Variants in TG observed in about 807,000 individuals in gnomAD.
TG encodes thyroglobulin.
TG carries 270 observed loss-of-function variants against 324.7 expected under a neutral mutation model. The ratio of observed to expected loss-of-function variants is 0.83; its 90% CI spans 0.75 to 0.92. The LOEUF is 0.92. Ranked by LOEUF, TG falls within the 40% of genes least tolerant of loss-of-function variation. The pLI, the probability that TG is intolerant of heterozygous loss-of-function variation, is 0.00. For missense variants in TG, 3,591 were observed against 3,456.4 expected (o/e 1.04, Z -0.98); for synonymous variants, 1,401 against 1,327.0 (o/e 1.06, Z -1.21).
intron 5 of TG, among the ~76,000 whole-genome samples, chr8:132,876,883 C>A (rs565832558): frequency 6.6e-6 from 1 of 152,338 alleles, no homozygotes; most frequent in South Asian, 2.1e-4. Context: ...TCCTTAATGA[C>A]TAAACACACT....
rs181821342 is a variant in TG at position 133,037,794 on chromosome 8, G to A, written c.7239+7771G>A. The A allele has an allele frequency of 2.3e-4, 35 of 152,330 alleles. 1 individual carries two copies. The highest frequency in any genetic ancestry group is 8.2e-4 in the African/African-American group (34 of 41,574). The allele number at this position is 152,330 out of a possible 1,614,324, so 9.4% of individuals were successfully genotyped here. A position where few individuals can be genotyped will look rare whatever the true frequency, so the allele number is the denominator to read the frequency against. On this transcript the variant is annotated intron_variant, in intron 41 of 47. Coordinates refer to ENST00000220616, the MANE Select transcript of TG (RefSeq NM_003235.5). ...TGCAAAGCCATGGCTGCAGACATCAGGGAAGCTGGTGCAGTTCTAGTCTCG... is the reference window on the plus strand; with the variant it reads ...TGCAAAGCCATGGCTGCAGACATCAAGGAAGCTGGTGCAGTTCTAGTCTCG...
chr8:133,067,023 C>A (rs1843131393), intron 41 of TG, among the ~76,000 whole-genome samples: 1 of 152,126 alleles, frequency 6.6e-6, no homozygotes, highest in African/African-American at 2.4e-5. Flanking sequence ...GTGACTGTAC[C>A]CAGTACCGGC....
chr8:133,060,305 G>A (rs753315036), intron 41 of TG: 2 of 1,568,088 alleles, frequency 1.3e-6, no homozygotes, highest in Non-Finnish European at 8.7e-7. Flanking sequence ...CTGGCAGCTT[G>A]CTTCTTGAAA....
At position 132,912,949 on chromosome 8, in the gene TG, C is replaced by T. The variant is rs2132389975; in HGVS notation, c.4160-98C>T. The T allele has an allele frequency of 2.6e-6, 3 of 1,141,870 alleles. No individual in the cohort carries two copies. In the South Asian group the frequency reaches 4.0e-5, roughly 15 times the overall value. 70.7% of individuals were successfully genotyped at this position (1,141,870 alleles called of 1,614,324 possible). A position where few individuals can be genotyped will look rare whatever the true frequency, so the allele number is the denominator to read the frequency against. On this transcript the variant is annotated intron_variant, in intron 19 of 47. Transcript: ENST00000220616. ...CACCACATGATGCCTATGTCTCATT[C>T]CAGTCTGGATATTCTAGGCATCTCT... is the stretch of plus-strand genomic sequence containing the variant.
At chr8:132,924,357 G>A (rs1391625827) in intron 22 of TG, among the ~76,000 whole-genome samples, 1 of 152,192 alleles carries the variant, frequency 6.6e-6, no homozygotes. Flanking sequence ...ACTGGTACCA[G>A]TCTATGGCCC....
chr8:132,957,534 G>T (rs1020476138), intron 27 of TG, among the ~76,000 whole-genome samples: 1 of 151,854 alleles, frequency 6.6e-6, no homozygotes, highest in Non-Finnish European at 1.5e-5. Context: ...CACACACACC[G>T]ACAGAAATAA....
intron 35 of TG, chr8:133,002,031 C>T: frequency 4.1e-6 from 4 of 985,342 alleles, no homozygotes; most frequent in Non-Finnish European, 4.8e-6. Context: ...TTGATGAGTC[C>T]TAAGAAAGTC....
chr8:132,922,221 A>C (rs1176848140), intron 21 of TG, among the ~76,000 whole-genome samples: 3 of 152,210 alleles, frequency 2.0e-5, no homozygotes, highest in Non-Finnish European at 1.5e-5. Context: ...AGAGGTCTTG[A>C]AGGACAAGGG....
chr8:132,913,397 G>GT, intron 20 of TG, 132 bp downstream of exon 20: 1 of 934,148 alleles, frequency 1.1e-6, no homozygotes, highest in Non-Finnish European at 1.7e-6. Context: ...ACGAGCAAAA[G>GT]TTTTCAATCA....
At chr8:132,868,790 C>T (rs915394060) in intron 2 of TG, among the ~76,000 whole-genome samples, 1 of 152,218 alleles carries the variant, frequency 6.6e-6, no homozygotes, top group African/African-American at 2.4e-5. Flanking sequence ...CTGAGACCCT[C>T]TCTGTGGAGA....
chr8:132,887,386 C>T lies in TG; in HGVS notation c.2014C>T (p.Leu672Phe), dbSNP rs2132166142. 1 of 1,614,200 alleles carries T rather than the reference C, an allele frequency of 6.2e-7. No individual in the cohort carries two copies. The highest frequency in any genetic ancestry group is 8.5e-7 in the Non-Finnish European group (1 of 1,180,040). The change falls in exon 9 of 48, where the codon CTC becomes TTC. Residue 672 changes from leucine to phenylalanine, a missense_variant. By Grantham distance (22) the Leu-to-Phe change is conservative. Coordinates refer to ENST00000220616, the MANE Select transcript of TG (RefSeq NM_003235.5). ...AAAGCAAAGGGCTCGCATGCAAAGC[C>T]TCATGGGCAGCCAGCCTGCTGGCTC... Reference protein sequence around the residue: ...CEKQRARMQSLMGSQPAGSTL... With the variant: ...CEKQRARMQSFMGSQPAGSTL...
At chr8:132,930,651 C>T (rs1343817127) in intron 23 of TG, among the ~76,000 whole-genome samples, 3 of 150,048 alleles carry the variant, frequency 2.0e-5, no homozygotes, top group African/African-American at 7.4e-5. Context: ...CTCCATTGCA[C>T]TCCAGCCTGG....
intron 34 of TG, among the ~76,000 whole-genome samples, chr8:132,981,909 C>A (rs1048300822): frequency 1.3e-5 from 2 of 152,068 alleles, no homozygotes; most frequent in Non-Finnish European, 2.9e-5. Context: ...CATATCTGAC[C>A]AAAGTGAAGA....
Position 133,084,911 on chromosome 8 carries a change from T to C in TG, c.7240-10133T>C, listed in dbSNP as rs538061156. ...GGCACATAGAGGGTGGGTAGTGTCA[T>C]GGCTTTGGAGAAAAATGGCCTGAAT... On this transcript the variant is annotated intron_variant, in intron 41 of 47. Transcript: ENST00000220616. Among the ~76,000 whole-genome samples the C allele has an allele frequency of 1.4e-3, 216 of 152,362 alleles. 1 individual carries two copies. Among genetic ancestry groups the C allele is most frequent in the Admixed American group, 3.1e-3 (47 of 15,304 alleles).
chr8:132,913,396 A>T, intron 20 of TG, 131 bp downstream of exon 20: 1 of 945,180 alleles, frequency 1.1e-6, no homozygotes, highest in Non-Finnish European at 1.7e-6. Context: ...AACGAGCAAA[A>T]GTTTTCAATC....
chr8:132,888,506 G>A lies in TG; in HGVS notation c.2699G>A (p.Cys900Tyr). Residue 900 changes from cysteine to tyrosine, a missense_variant, in exon 10 of 48, where the codon TGT becomes TAT. Coordinates refer to ENST00000220616, the MANE Select transcript of TG (RefSeq NM_003235.5). ...LAHFDLRNCW[C>Y]VDEAGQELEG... ...CATTTTGATCTTCGGAACTGCTGGT[G>A]TGTGGATGAGGCTGGCCAAGAACTG... 4.3e-6 allele frequency: 7 copies of A among 1,611,296 alleles called. No homozygotes were observed. Among genetic ancestry groups the A allele is most frequent in the South Asian group, 1.1e-5 (1 of 90,360 alleles).
intron 37 of TG, among the ~76,000 whole-genome samples, chr8:133,016,165 C>A (rs1482036994): frequency 2.0e-5 from 3 of 152,126 alleles, no homozygotes; most frequent in African/African-American, 7.2e-5. Flanking sequence ...GCATAAAACC[C>A]AGATCTGCTT....
intron 18 of TG, among the ~76,000 whole-genome samples, chr8:132,910,264 G>A (rs111580143): frequency 1.3e-5 from 2 of 152,176 alleles, no homozygotes; most frequent in African/African-American, 4.8e-5. Context: ...GGCCCTGTCT[G>A]CATTCTGAAG....
At chr8:132,898,299 G>T in intron 13 of TG, 53 bp downstream of exon 13, 1 of 1,520,318 alleles carries the variant, frequency 6.6e-7, no homozygotes, top group South Asian at 1.2e-5. Flanking sequence ...GGGCATCACT[G>T]GTCTAGTCAG....
Sources: gnomAD v4.1 joint callset for allele counts (sites outside exome capture counted in the v4.1 genomes callset) on GRCh38, gnomAD v4.1.1 for gene constraint, MANE v1.5 for transcripts, NCBI Gene and HGNC (gene_info 2026-07-23, HGNC 2026-07-21) for gene names.